TRDMT1: variants seen among roughly 807,000 people sequenced by gnomAD.
TRDMT1 encodes tRNA aspartic acid methyltransferase 1.
In TRDMT1, 49 loss-of-function variants were observed where a neutral mutation model predicts 51.2. The ratio of observed to expected loss-of-function variants is 0.96; its 90% CI spans 0.76 to 1.21. The LOEUF is 1.21. Ranked by LOEUF, TRDMT1 falls within the 50% of genes most tolerant of loss-of-function variation. The probability of loss-of-function intolerance (pLI) is 0.00; values close to 1 mark genes in which losing one functional copy is unlikely to be tolerated. For synonymous variants in TRDMT1, 187 were observed against 164.6 expected (o/e 1.14, Z -1.04); for missense variants, 534 against 462.3 (o/e 1.16, Z -1.42).
At chr10:17,175,608 C>T (rs779074636) in intron 1 of TRDMT1, among the ~76,000 whole-genome samples, 9 of 150,752 alleles carry the variant, frequency 6.0e-5, no homozygotes, top group South Asian at 2.1e-4. Context: ...TCCAAGTAGC[C>T]GATTCTTTAA....
intron 1 of TRDMT1, among the ~76,000 whole-genome samples, chr10:17,197,104 T>A (rs1452886489): frequency 1.3e-5 from 2 of 152,034 alleles, no homozygotes; most frequent in African/African-American, 4.8e-5. Flanking sequence ...ATTCTGTGAG[T>A]TTCCAAATGT....
At chr10:17,167,133 A>G (rs1841328980) in intron 3 of TRDMT1, among the ~76,000 whole-genome samples, 1 of 152,208 alleles carries the variant, frequency 6.6e-6, no homozygotes, top group Non-Finnish European at 1.5e-5. Context: ...CCATTAGACT[A>G]TGAGCTCCCA....
rs1837526892 is a variant in TRDMT1 at position 17,139,561 on chromosome 10, T to C, written c.*9479A>G. Among the ~76,000 whole-genome samples the C allele has an allele frequency of 1.3e-5, 2 of 152,166 alleles. No homozygotes were observed. The highest frequency in any genetic ancestry group is 4.8e-5 in the African/African-American group (2 of 41,436). On this transcript the variant is annotated 3_prime_UTR_variant, in exon 11 of 11. Coordinates refer to ENST00000377799, the MANE Select transcript of TRDMT1 (RefSeq NM_004412.7). ...AGAAAAAGAAAACAAAGTTTGGGGA[T>C]ACCTGGCACTCTTCAGACTCTGCCT...
chr10:17,148,625 T>C lies in TRDMT1; in HGVS notation c.*415A>G. On this transcript the variant is annotated 3_prime_UTR_variant, in exon 11 of 11. Coordinates refer to ENST00000377799, the MANE Select transcript of TRDMT1 (RefSeq NM_004412.7). ...AAATTAAGTAAAACATTCAATGGGCTAGAATTAGAATCATTATTTTAAAAT... is the reference window on the plus strand; with the variant it reads ...AAATTAAGTAAAACATTCAATGGGCCAGAATTAGAATCATTATTTTAAAAT... 8 of 967,218 alleles carry C rather than the reference T, an allele frequency of 8.3e-6. No homozygotes were observed. Among genetic ancestry groups the C allele is most frequent in the Non-Finnish European group, 9.8e-6 (8 of 813,286 alleles). 59.9% of individuals were successfully genotyped at this position (967,218 alleles called of 1,614,324 possible).
intron 1 of TRDMT1, among the ~76,000 whole-genome samples, chr10:17,196,114 G>A (rs757367276): frequency 1.6e-4 from 24 of 152,200 alleles, no homozygotes; most frequent in Non-Finnish European, 5.9e-5. Flanking sequence ...TGGCATGTAA[G>A]TCGTTGAGGA....
Position 17,174,679 on chromosome 10 carries a change from T to G in TRDMT1, c.65-19A>C. The G allele has an allele frequency of 6.4e-7, 1 of 1,570,092 alleles. No homozygotes were observed. The highest frequency in any genetic ancestry group is 8.7e-7 in the Non-Finnish European group (1 of 1,143,592). On this transcript the variant is annotated intron_variant, in intron 1 of 10. Coordinates refer to ENST00000377799, the MANE Select transcript of TRDMT1 (RefSeq NM_004412.7). ...CAGCTTTCTGTAATGATAAATGGAG[T>G]ATCTTGAAAAGAAAAGTCCTTAAGT...
chr10:17,181,553 C>T (rs745643520), intron 1 of TRDMT1, among the ~76,000 whole-genome samples: 2 of 152,168 alleles, frequency 1.3e-5, no homozygotes, highest in Non-Finnish European at 2.9e-5. Flanking sequence ...CAGATTATTA[C>T]TGATTACCCT....
In TRDMT1 at chr10:17,140,577, G is replaced by C. The variant is rs981695568; in HGVS notation, c.*8463C>G. On this transcript the variant is annotated 3_prime_UTR_variant, in exon 11 of 11. Transcript: ENST00000377799. ...GAGGAAAAAAGTCAGCAGGGGAGGG[G>C]ATTATATTACATAGCATCAAGATGC... 6.6e-6 allele frequency among the ~76,000 whole-genome samples: 1 copy of C among 152,080 alleles called. No homozygotes were observed. Among genetic ancestry groups the C allele is most frequent in the Non-Finnish European group, 1.5e-5 (1 of 68,026 alleles).
chr10:17,184,459 A>T (rs563644274), intron 1 of TRDMT1, among the ~76,000 whole-genome samples: 11 of 151,364 alleles, frequency 7.3e-5, no homozygotes, highest in Admixed American at 1.3e-4. Context: ...ATATATAATA[A>T]TTAACTCACA....
At chr10:17,177,137 TAA>T (rs542568980) in intron 1 of TRDMT1, among the ~76,000 whole-genome samples, 1 of 147,518 alleles carries the variant, frequency 6.8e-6, no homozygotes, top group Non-Finnish European at 1.5e-5. Flanking sequence ...AAGCCTGGTT[TAA>T]AAAAAAAAGG....
chr10:17,156,943 T>C lies in TRDMT1; in HGVS notation c.887+498A>G, dbSNP rs188880283. On this transcript the variant is annotated intron_variant, in intron 8 of 10. Coordinates refer to ENST00000377799, the MANE Select transcript of TRDMT1 (RefSeq NM_004412.7). ...ATGGAAGGGAGTCTTACAATCTTAG[T>C]TATCTTTTGAATTGGAAACCTTGGG... 1.6e-3 allele frequency among the ~76,000 whole-genome samples: 249 copies of C among 152,298 alleles called. 1 individual carries two copies. Among genetic ancestry groups the C allele is most frequent in the African/African-American group, 5.6e-3 (234 of 41,564 alleles).
Position 17,150,814 on chromosome 10 carries a change from A to G in TRDMT1, c.1076-1674T>C, listed in dbSNP as rs1043734194. 2.1e-5 allele frequency: 21 copies of G among 984,014 alleles called. No individual in the cohort carries two copies. The African/African-American group carries it at 3.7e-4, about 17-fold the overall frequency. The allele number at this position is 984,014 out of a possible 1,614,324, so 61.0% of individuals were successfully genotyped here. ...TCATAAAGTTTCTATTCTAAAGATAATATCTTAGGTAAGCACATTATTTAT... is the reference window on the plus strand; with the variant it reads ...TCATAAAGTTTCTATTCTAAAGATAGTATCTTAGGTAAGCACATTATTTAT... On this transcript the variant is annotated intron_variant, in intron 10 of 10. Transcript: ENST00000377799.
chr10:17,184,090 A>G (rs1311321986), intron 1 of TRDMT1, among the ~76,000 whole-genome samples: 2 of 152,232 alleles, frequency 1.3e-5, no homozygotes, highest in African/African-American at 4.8e-5. Context: ...AAAGTAACCT[A>G]TTCACATGCT....
chr10:17,167,852 G>C (rs1841419757), intron 3 of TRDMT1, among the ~76,000 whole-genome samples: 1 of 152,160 alleles, frequency 6.6e-6, no homozygotes, highest in African/African-American at 2.4e-5. Flanking sequence ...ATGCTCATTA[G>C]TTTAAATGAA....
rs192326676 is a variant in TRDMT1 at position 17,138,174 on chromosome 10, T to C, written c.*10866A>G. ...CCCATTACATGTTATAGCTTCAATC[T>C]GGCTTTTGTGCTTTTTTTAGTCCCT... is the stretch of plus-strand genomic sequence containing the variant. On this transcript the variant is annotated 3_prime_UTR_variant, in exon 11 of 11. Transcript: ENST00000377799. Among the ~76,000 whole-genome samples the C allele has an allele frequency of 4.0e-3, 616 of 152,344 alleles. 4 individuals carry two copies. Among genetic ancestry groups the C allele is most frequent in the African/African-American group, 0.014 (565 of 41,574 alleles).
At chr10:17,164,034 C>T (rs916542871) in intron 3 of TRDMT1, among the ~76,000 whole-genome samples, 1 of 152,142 alleles carries the variant, frequency 6.6e-6, no homozygotes, top group African/African-American at 2.4e-5. Context: ...CAGCATCATC[C>T]TGATACCAAA....
rs916672111 is a variant in TRDMT1 at position 17,148,885 on chromosome 10, A to G, written c.*155T>C. Reference sequence around the variant, plus strand: ...TACAGTAATATAAATTTGATGAAACACATGGATTTTTTTAATAAAATCCAA... The same window carrying G: ...TACAGTAATATAAATTTGATGAAACGCATGGATTTTTTTAATAAAATCCAA... On this transcript the variant is annotated 3_prime_UTR_variant, in exon 11 of 11. Coordinates refer to ENST00000377799, the MANE Select transcript of TRDMT1 (RefSeq NM_004412.7). 20 of 1,265,042 alleles carry G rather than the reference A, an allele frequency of 1.6e-5. No individual in the cohort carries two copies. Among genetic ancestry groups the G allele is most frequent in the Middle Eastern group, 3.0e-4 (1 of 3,388 alleles). The allele number at this position is 1,265,042 out of a possible 1,614,324, so 78.4% of individuals were successfully genotyped here.
chr10:17,180,393 C>T (rs1482951126), intron 1 of TRDMT1, among the ~76,000 whole-genome samples: 6 of 151,882 alleles, frequency 4.0e-5, no homozygotes, highest in Admixed American at 6.6e-5. Flanking sequence ...ATACAAAAAT[C>T]AGCTAGGCAT....
At chr10:17,197,306 G>C (rs1189043336) in intron 1 of TRDMT1, among the ~76,000 whole-genome samples, 1 of 151,824 alleles carries the variant, frequency 6.6e-6, no homozygotes, top group South Asian at 2.1e-4. Context: ...CTGTGCTAGA[G>C]GCTGTACAGG....
Sources: gnomAD v4.1 joint callset for allele counts (sites outside exome capture counted in the v4.1 genomes callset) on GRCh38, gnomAD v4.1.1 for gene constraint, MANE v1.5 for transcripts, NCBI Gene and HGNC (gene_info 2026-07-23, HGNC 2026-07-21) for gene names.